CD200R1L: variants seen among roughly 807,000 people sequenced by gnomAD.
CD200R1L encodes the protein cell surface glycoprotein CD200 receptor 2.
A neutral mutation model predicts 24.8 loss-of-function variants in CD200R1L; 14 were observed. The ratio of observed to expected loss-of-function variants is 0.56; its 90% CI spans 0.37 to 0.88. The LOEUF (loss-of-function observed/expected upper bound fraction) is 0.88. Ranked by LOEUF, CD200R1L falls within the 40% of genes least tolerant of loss-of-function variation. The pLI is 0.00. For missense variants in CD200R1L, 299 were observed against 297.8 expected, an observed-to-expected ratio of 1.00 and a Z score of -0.03; for synonymous variants, 111 against 109.2, an observed-to-expected ratio of 1.02 and a Z score of -0.11.
chr3:112,817,563 G>C (rs1228393564), intron 7 of CD200R1L, among the ~76,000 whole-genome samples: 5 of 152,170 alleles, frequency 3.3e-5, no homozygotes, highest in Non-Finnish European at 7.3e-5. Flanking sequence ...GAAGGGCAGA[G>C]CCATAAGATA....
chr3:112,844,713 C>T (rs1559927558), intron 2 of CD200R1L, among the ~76,000 whole-genome samples: 1 of 152,058 alleles, frequency 6.6e-6, no homozygotes, highest in African/African-American at 2.4e-5. Flanking sequence ...ATCACAAGGT[C>T]AGGAGTTCAA....
chr3:112,839,084 C>G (rs1351302228), intron 2 of CD200R1L, among the ~76,000 whole-genome samples: 1 of 152,126 alleles, frequency 6.6e-6, no homozygotes, highest in Non-Finnish European at 1.5e-5. Context: ...TACATACACA[C>G]ATAAATATAC....
chr3:112,818,656 A>G (rs1384791743), intron 7 of CD200R1L: 3 of 154,166 alleles, frequency 1.9e-5, no homozygotes, highest in East Asian at 1.9e-4. Flanking sequence ...CTGTGAGGAA[A>G]GCACCATTTA....
chr3:112,826,450 C>A (rs1938658965), intron 6 of CD200R1L, among the ~76,000 whole-genome samples: 1 of 152,002 alleles, frequency 6.6e-6, no homozygotes, highest in Non-Finnish European at 1.5e-5. Context: ...AACAAAAAGC[C>A]ATGTTATGTG....
At chr3:112,841,923 A>G (rs184723605) in intron 2 of CD200R1L, among the ~76,000 whole-genome samples, 2 of 152,368 alleles carry the variant, frequency 1.3e-5, no homozygotes, top group Admixed American at 6.5e-5. Context: ...CACTCTCAGA[A>G]CACTGAGAAG....
At chr3:112,828,936 C>T (rs919671421) in intron 4 of CD200R1L, among the ~76,000 whole-genome samples, 4 of 152,134 alleles carry the variant, frequency 2.6e-5, no homozygotes, top group African/African-American at 9.7e-5. Context: ...TTTTGCTACA[C>T]CCTGCAATTA....
intron 5 of CD200R1L, 58 bp downstream of exon 5, chr3:112,827,309 A>G (rs2107338064): frequency 6.3e-7 from 1 of 1,589,330 alleles, no homozygotes; most frequent in South Asian, 1.2e-5. Flanking sequence ...TCAGAGAGAC[A>G]TTTGTTTCAG....
chr3:112,845,278 A>G (rs1576101123), intron 2 of CD200R1L, among the ~76,000 whole-genome samples: 1 of 152,358 alleles, frequency 6.6e-6, no homozygotes, highest in South Asian at 2.1e-4. Flanking sequence ...CACACACTAG[A>G]AAAATCTAGA....
chr3:112,840,464 A>T (rs1939051570), intron 2 of CD200R1L, among the ~76,000 whole-genome samples: 1 of 152,226 alleles, frequency 6.6e-6, no homozygotes, highest in South Asian at 2.1e-4. Context: ...ACTCACTATC[A>T]TGCAAACAGC....
At chr3:112,829,021 AAT>A (rs1173209699) in intron 4 of CD200R1L, among the ~76,000 whole-genome samples, 1 of 152,216 alleles carries the variant, frequency 6.6e-6, no homozygotes, top group East Asian at 1.9e-4. Flanking sequence ...ACAGTCAAAT[AAT>A]GATCACATAA....
chr3:112,828,727 C>T (rs1938727478), intron 4 of CD200R1L, among the ~76,000 whole-genome samples: 1 of 152,180 alleles, frequency 6.6e-6, no homozygotes, highest in Admixed American at 6.5e-5. Flanking sequence ...CTACAAGCAT[C>T]TGCCAACATA....
At chr3:112,839,564 T>C (rs531053371) in intron 2 of CD200R1L, among the ~76,000 whole-genome samples, 1 of 152,292 alleles carries the variant, frequency 6.6e-6, no homozygotes, top group South Asian at 2.1e-4. Flanking sequence ...CCCTATCTTC[T>C]CAGCAAGGCT....
intron 3 of CD200R1L, among the ~76,000 whole-genome samples, chr3:112,834,146 G>T (rs1421886019): frequency 6.6e-6 from 1 of 151,988 alleles, no homozygotes; most frequent in African/African-American, 2.4e-5. Context: ...CTTTAGGAGG[G>T]TGCTGTGTCC....
chr3:112,820,208 C>T (rs1938501721), intron 6 of CD200R1L, among the ~76,000 whole-genome samples: 1 of 152,162 alleles, frequency 6.6e-6, no homozygotes, highest in Non-Finnish European at 1.5e-5. Flanking sequence ...CCTGTATATT[C>T]CAACTTCCCA....
chr3:112,829,284 C>G (rs1248837559), intron 4 of CD200R1L, 35 bp downstream of exon 4: 2 of 1,541,436 alleles, frequency 1.3e-6, no homozygotes, highest in African/African-American at 1.4e-5. Context: ...ACTTTCCATC[C>G]CTCAGTGCTG....
chr3:112,836,004 C>T (rs534664147), intron 3 of CD200R1L, among the ~76,000 whole-genome samples: 2 of 152,350 alleles, frequency 1.3e-5, no homozygotes, highest in South Asian at 4.1e-4. Flanking sequence ...GGCATGGTGG[C>T]CCCAGCCAAC....
intron 2 of CD200R1L, 87 bp from the exon 3 acceptor site, chr3:112,838,097 A>G: frequency 2.4e-6 from 1 of 408,294 alleles, no homozygotes; most frequent in Non-Finnish European, 3.9e-6. Flanking sequence ...TTCATATAAG[A>G]TAATCACAGA....
In CD200R1L at chr3:112,832,814, G is replaced by C. The variant is rs1043026136; in HGVS notation, c.-17-3430C>G. On this transcript the variant is annotated intron_variant, in intron 3 of 7. Coordinates refer to ENST00000488794, the MANE Select transcript of CD200R1L (RefSeq NM_001199215.3). ...AGTTTGTATTCCACAGGACAGTAGA[G>C]AGTATATAAATATGGTCTTGCCTTA... is the stretch of plus-strand genomic sequence containing the variant. Among the ~76,000 whole-genome samples, 4 of 152,212 alleles carry C rather than the reference G, an allele frequency of 2.6e-5. No homozygotes were observed. The East Asian group carries it at 7.7e-4, about 29-fold the overall frequency.
At chr3:112,833,369 T>C (rs1034699376) in intron 3 of CD200R1L, among the ~76,000 whole-genome samples, 32 of 152,200 alleles carry the variant, frequency 2.1e-4, no homozygotes, top group African/African-American at 2.4e-4. Flanking sequence ...ACAAGTCCAG[T>C]AGGACAGTCA....
Sources: gnomAD v4.1 joint callset for allele counts (sites outside exome capture counted in the v4.1 genomes callset) on GRCh38, gnomAD v4.1.1 for gene constraint, MANE v1.5 for transcripts, NCBI Gene and HGNC (gene_info 2026-07-23, HGNC 2026-07-21) for gene names.